The following ARID5B variants were observed in gnomAD, a reference collection of about 807,000 sequenced individuals.
The protein encoded by ARID5B is AT-rich interaction domain 5B.
In ARID5B, 13 loss-of-function variants were observed where a neutral mutation model predicts 97.2. The ratio of observed to expected loss-of-function variants is 0.13; its 90% CI spans 0.09 to 0.21. The LOEUF (loss-of-function observed/expected upper bound fraction) is 0.21, where lower values mean the gene tolerates loss of function less well. ARID5B is among the 10% of genes least tolerant of loss of function. ARID5B has a pLI of 1.00. For missense variants in ARID5B, 1,210 were observed against 1,465.3 expected (o/e 0.83, Z 2.84); for synonymous variants, 556 against 570.3 (o/e 0.97, Z 0.36).
At chr10:61,979,747 C>A (rs1384714398) in intron 3 of ARID5B, among the ~76,000 whole-genome samples, 4 of 152,138 alleles carry the variant, frequency 2.6e-5, no homozygotes, top group Admixed American at 2.6e-4. Flanking sequence ...CACAAAAATG[C>A]CTTTAGTCCT....
At chr10:61,934,182 G>C (rs993972550) in intron 2 of ARID5B, among the ~76,000 whole-genome samples, 4 of 152,120 alleles carry the variant, frequency 2.6e-5, no homozygotes, top group Admixed American at 2.6e-4. Flanking sequence ...ACCACTTTTA[G>C]CTTTCGTAGA....
At chr10:61,985,294 T>C (rs369988273) in intron 3 of ARID5B, among the ~76,000 whole-genome samples, 79 of 151,854 alleles carry the variant, frequency 5.2e-4, no homozygotes, top group African/African-American at 1.8e-3. Context: ...ACCAACTTAA[T>C]ACATCTGTTC....
chr10:61,925,897 G>A (rs570517913), intron 2 of ARID5B, among the ~76,000 whole-genome samples: 60 of 152,312 alleles, frequency 3.9e-4, no homozygotes, highest in African/African-American at 1.4e-3. Context: ...GTGCCTCAGA[G>A]CAATCTTCTG....
chr10:62,007,776 C>T (rs973060605), intron 4 of ARID5B, among the ~76,000 whole-genome samples: 6 of 152,086 alleles, frequency 3.9e-5, no homozygotes, highest in Non-Finnish European at 7.4e-5. Flanking sequence ...CATTCCACAT[C>T]GCTTATTCCA....
intron 4 of ARID5B, among the ~76,000 whole-genome samples, chr10:62,035,969 C>T (rs1320065213): frequency 6.6e-6 from 1 of 151,914 alleles, no homozygotes; most frequent in Non-Finnish European, 1.5e-5. Flanking sequence ...GGATTACAGG[C>T]GCCCGCCACC....
intron 4 of ARID5B, among the ~76,000 whole-genome samples, chr10:62,011,405 G>A (rs868046694): frequency 1.3e-5 from 2 of 152,178 alleles, no homozygotes; most frequent in African/African-American, 4.8e-5. Context: ...ATGCTCTAGA[G>A]AATGCATTTT....
intron 3 of ARID5B, among the ~76,000 whole-genome samples, chr10:61,956,558 A>G (rs577973752): frequency 7.4e-4 from 113 of 152,242 alleles, no homozygotes; most frequent in African/African-American, 2.7e-3. Context: ...TTCAGTTTCC[A>G]GGCCTCCTCA....
At chr10:61,904,866 A>G (rs151006013) in intron 2 of ARID5B, among the ~76,000 whole-genome samples, 18 of 152,330 alleles carry the variant, frequency 1.2e-4, no homozygotes, top group Non-Finnish European at 1.5e-4. Context: ...AAGTTTCCCA[A>G]TGCAGATCGG....
chr10:61,932,413 C>CTTTTTTT (rs200321468), intron 2 of ARID5B, among the ~76,000 whole-genome samples: 3 of 135,514 alleles, frequency 2.2e-5, no homozygotes, highest in Non-Finnish European at 3.2e-5. Context: ...TTTTCTTTTT[C>CTTTTTTT]TTTTTTTTTT....
rs185754816 is a variant in ARID5B at position 61,959,715 on chromosome 10, T to A, written c.502+19307T>A. 1.6e-4 allele frequency among the ~76,000 whole-genome samples: 24 copies of A among 152,320 alleles called. No homozygotes were observed. The East Asian group carries it at 4.4e-3, about 28-fold the overall frequency. On this transcript the variant is annotated intron_variant, in intron 3 of 9. Transcript: ENST00000279873. ...TTTTAAATGCCCAATTACCAGTTAC[T>A]GTTCTCCCCAAGAAGCCACTCAGGC...
At chr10:61,939,521 C>T (rs962472690) in intron 2 of ARID5B, among the ~76,000 whole-genome samples, 1 of 152,158 alleles carries the variant, frequency 6.6e-6, no homozygotes, top group Non-Finnish European at 1.5e-5. Context: ...ACCCTCTACC[C>T]CATCTGTATT....
chr10:62,025,890 A>G (rs1431928625), intron 4 of ARID5B, among the ~76,000 whole-genome samples: 1 of 152,120 alleles, frequency 6.6e-6, no homozygotes, highest in South Asian at 2.1e-4. Context: ...TTTGATAAAT[A>G]TATTCCAAAA....
At position 62,039,289 on chromosome 10, in the gene ARID5B, G is replaced by A. The variant is rs150160966; in HGVS notation, c.734-11599G>A. On this transcript the variant is annotated intron_variant, in intron 4 of 9. Transcript: ENST00000279873. ...ATCAAAATTAGTACAATATAAGTAT[G>A]ATACAGTAGAATGTATGATATTGAT... Among the ~76,000 whole-genome samples, 911 of 152,332 alleles carry A rather than the reference G, an allele frequency of 6.0e-3. 5 individuals carry two copies. Among genetic ancestry groups the A allele is most frequent in the African/African-American group, 0.021 (862 of 41,574 alleles).
At chr10:62,032,031 A>G (rs1271790841) in intron 4 of ARID5B, among the ~76,000 whole-genome samples, 2 of 152,184 alleles carry the variant, frequency 1.3e-5, no homozygotes, top group African/African-American at 4.8e-5. Flanking sequence ...CTTATTCAAA[A>G]TCAGTGAAAA....
chr10:62,006,399 G>A lies in ARID5B; in HGVS notation c.733+6078G>A, dbSNP rs111860081. 3.3e-5 allele frequency among the ~76,000 whole-genome samples: 5 copies of A among 152,260 alleles called. No individual in the cohort carries two copies. In the East Asian group the frequency reaches 7.7e-4, roughly 23 times the overall value. Reference sequence around the variant, plus strand: ...AGAGGTTGCAGTGAGCCAAGATCGCGCCATTGTACTCCAGCCTGGGAAACA... The same window carrying A: ...AGAGGTTGCAGTGAGCCAAGATCGCACCATTGTACTCCAGCCTGGGAAACA... On this transcript the variant is annotated intron_variant, in intron 4 of 9. Coordinates refer to ENST00000279873, the MANE Select transcript of ARID5B (RefSeq NM_032199.3).
intron 7 of ARID5B, among the ~76,000 whole-genome samples, chr10:62,067,234 G>A (rs972162556): frequency 8.5e-5 from 13 of 152,056 alleles, no homozygotes; most frequent in Middle Eastern, 3.2e-3. Context: ...ACAGGCATGC[G>A]CCACCACCCC....
chr10:62,065,274 T>C (rs1156800313), intron 7 of ARID5B, among the ~76,000 whole-genome samples: 1 of 152,202 alleles, frequency 6.6e-6, no homozygotes, highest in Non-Finnish European at 1.5e-5. Context: ...GCTCAGTTTT[T>C]CATCTTGCGT....
At chr10:62,026,606 A>G (rs2132898250) in intron 4 of ARID5B, among the ~76,000 whole-genome samples, 1 of 152,328 alleles carries the variant, frequency 6.6e-6, no homozygotes, top group Non-Finnish European at 1.5e-5. Flanking sequence ...ATTTTACTGG[A>G]ACTAATGTAA....
chr10:62,079,917 G>T (rs1263095517), intron 8 of ARID5B, among the ~76,000 whole-genome samples: 2 of 152,184 alleles, frequency 1.3e-5, no homozygotes, highest in African/African-American at 4.8e-5. Context: ...TTTCATCGTT[G>T]TTAATAGTGG....
Sources: allele counts gnomAD v4.1 joint callset (sites outside exome capture counted in the v4.1 genomes callset), GRCh38; gene constraint gnomAD v4.1.1; transcripts MANE v1.5; gene names NCBI Gene and HGNC (gene_info 2026-07-23, HGNC 2026-07-21).